MAD1L1: variants seen among roughly 807,000 people sequenced by gnomAD.
MAD1L1 encodes mitotic spindle assembly checkpoint protein MAD1.
In MAD1L1, 95 loss-of-function variants were observed where a neutral mutation model predicts 96.9. The observed-to-expected ratio is 0.98, with a 90% confidence interval of 0.83 to 1.16. The LOEUF (loss-of-function observed/expected upper bound fraction) is 1.16. MAD1L1 is among the 50% of genes most tolerant of loss of function. MAD1L1 has a pLI of 0.00. For missense variants in MAD1L1, 1,007 were observed against 954.4 expected, an observed-to-expected ratio of 1.06 and a Z score of -0.73; for synonymous variants, 473 against 396.6, an observed-to-expected ratio of 1.19 and a Z score of -2.29.
chr7:2,194,689 C>G (rs979882504), intron 10 of MAD1L1, among the ~76,000 whole-genome samples: 3 of 152,168 alleles, frequency 2.0e-5, no homozygotes, highest in African/African-American at 7.2e-5. Context: ...CCATCCCAAC[C>G]TATCATAGGT....
intron 10 of MAD1L1, among the ~76,000 whole-genome samples, chr7:2,198,996 C>A (rs1193250615): frequency 1.3e-5 from 2 of 152,198 alleles, no homozygotes; most frequent in Admixed American, 1.3e-4. Flanking sequence ...GCAGTGGGAT[C>A]CCCCCTTCAC....
chr7:1,817,109 C>A (rs1231817380), intron 18 of MAD1L1: 1 of 152,266 alleles, frequency 6.6e-6, no homozygotes, highest in East Asian at 1.9e-4. Context: ...TGCCAGGACG[C>A]TGGGCACCGG....
intron 10 of MAD1L1, chr7:2,200,363 C>A (rs1384146405): frequency 6.6e-6 from 1 of 152,426 alleles, no homozygotes. Flanking sequence ...GGGCCCCCGA[C>A]ACCAGGCACC....
chr7:2,067,418 C>A (rs1032022395), intron 12 of MAD1L1, among the ~76,000 whole-genome samples: 5 of 152,166 alleles, frequency 3.3e-5, no homozygotes, highest in African/African-American at 1.2e-4. Flanking sequence ...CTCTTCCTCC[C>A]CCAGGAAGCT....
intron 13 of MAD1L1, among the ~76,000 whole-genome samples, chr7:2,002,984 GC>G (rs1389384466): frequency 6.6e-6 from 1 of 152,302 alleles, no homozygotes; most frequent in East Asian, 1.9e-4. Flanking sequence ...TAAACACATT[GC>G]GGCTCTGTCC....
intron 11 of MAD1L1, chr7:2,079,731 T>C (rs1391810902): frequency 2.1e-6 from 1 of 470,960 alleles, no homozygotes. Context: ...CTCCAAATGC[T>C]GGGTGGGGAG....
intron 11 of MAD1L1, among the ~76,000 whole-genome samples, chr7:2,140,937 T>G (rs538226484): frequency 4.6e-5 from 7 of 152,272 alleles, no homozygotes; most frequent in Non-Finnish European, 8.8e-5. Flanking sequence ...TAAAAAGCCA[T>G]GAATATGTAA....
chr7:2,124,291 G>A (rs1360183623), intron 11 of MAD1L1, among the ~76,000 whole-genome samples: 1 of 152,332 alleles, frequency 6.6e-6, no homozygotes, highest in African/African-American at 2.4e-5. Flanking sequence ...GGGGCACGAG[G>A]GCTCCAAAGA....
chr7:1,943,448 G>A (rs1321034661), intron 16 of MAD1L1, among the ~76,000 whole-genome samples: 3 of 152,150 alleles, frequency 2.0e-5, no homozygotes, highest in African/African-American at 4.8e-5. Context: ...AGACTCCTAT[G>A]AGGACCCAGT....
At chr7:2,014,723 G>A (rs940957581) in intron 12 of MAD1L1, 81 bp from the exon 13 acceptor site, 113 of 1,463,544 alleles carry the variant, frequency 7.7e-5, no homozygotes, top group African/African-American at 1.7e-4. Context: ...AAGGCCCCAC[G>A]AGAGCTGGGT....
intron 18 of MAD1L1, among the ~76,000 whole-genome samples, chr7:1,818,571 T>C (rs547837361): frequency 2.8e-4 from 42 of 152,036 alleles, no homozygotes; most frequent in African/African-American, 9.2e-4. Context: ...GAGAGATAGA[T>C]AGACTTTAGC....
intron 11 of MAD1L1, among the ~76,000 whole-genome samples, chr7:2,120,577 G>A (rs1002330029): frequency 3.3e-5 from 5 of 152,206 alleles, no homozygotes; most frequent in African/African-American, 9.6e-5. Context: ...GTGCCCCCAC[G>A]GGTCTGACTC....
intron 18 of MAD1L1, among the ~76,000 whole-genome samples, chr7:1,881,624 T>C (rs1471675116): frequency 6.6e-6 from 1 of 152,172 alleles, no homozygotes; most frequent in Non-Finnish European, 1.5e-5. Context: ...TATGCAACCA[T>C]TAAACACCAT....
At chr7:1,965,371 CCACA>C (rs932051520) in intron 15 of MAD1L1, among the ~76,000 whole-genome samples, 2 of 152,240 alleles carry the variant, frequency 1.3e-5, no homozygotes, top group Admixed American at 6.5e-5. Context: ...CCTTCCTCTC[CCACA>C]GACAGGGCTA....
chr7:2,213,298 C>A, intron 9 of MAD1L1, 25 bp from the exon 10 acceptor site: 8 of 1,609,090 alleles, frequency 5.0e-6, no homozygotes, highest in Non-Finnish European at 8.5e-7. Context: ...AAAGCACAGA[C>A]CCTGTCATCA....
At chr7:2,095,332 C>T (rs775307920) in intron 11 of MAD1L1, among the ~76,000 whole-genome samples, 131 of 152,286 alleles carry the variant, frequency 8.6e-4, no homozygotes, top group Middle Eastern at 3.4e-3. Flanking sequence ...GCATGAGCCA[C>T]GGCGCCCAGC....
intron 18 of MAD1L1, among the ~76,000 whole-genome samples, chr7:1,819,655 C>G (rs1782021868): frequency 6.6e-6 from 1 of 152,194 alleles, no homozygotes; most frequent in African/African-American, 2.4e-5. Context: ...CCACCATCCC[C>G]TGAGCCGAGC....
chr7:1,910,449 C>A (rs1021173966), intron 17 of MAD1L1, among the ~76,000 whole-genome samples: 1 of 152,252 alleles, frequency 6.6e-6, no homozygotes, highest in Non-Finnish European at 1.5e-5. Flanking sequence ...GCCACCTCTG[C>A]GATGCCAGCA....
In MAD1L1 at chr7:1,815,983, C is replaced by T. The variant is rs189577326; in HGVS notation, c.*87G>A. ...GCCCTGTGGGGCTGGAGAGGCAGGA[C>T]GTGCACCCAGCCTGTGGCTGGCGGG... On this transcript the variant is annotated 3_prime_UTR_variant, in exon 19 of 19. Coordinates refer to ENST00000265854, the MANE Select transcript of MAD1L1 (RefSeq NM_001013836.2). The T allele has an allele frequency of 4.4e-4, 620 of 1,421,166 alleles. No individual in the cohort carries two copies. The African/African-American group carries it at 8.0e-3, about 18-fold the overall frequency. The allele number at this position is 1,421,166 out of a possible 1,614,324, so 88.0% of individuals were successfully genotyped here.
Sources: gnomAD v4.1 joint callset for allele counts (sites outside exome capture counted in the v4.1 genomes callset) on GRCh38, gnomAD v4.1.1 for gene constraint, MANE v1.5 for transcripts, NCBI Gene and HGNC (gene_info 2026-07-23, HGNC 2026-07-21) for gene names.